CNTN6: variants seen among roughly 807,000 people sequenced by gnomAD.
CNTN6 encodes the protein contactin-6.
A neutral mutation model predicts 122.8 loss-of-function variants in CNTN6; 137 were observed. That is an observed-to-expected ratio of 1.12 (90% CI 0.97 to 1.29). The LOEUF is 1.29. Among genes scored for constraint, CNTN6 ranks in the 50% most tolerant of loss-of-function variants. The pLI, the probability that CNTN6 is intolerant of heterozygous loss-of-function variation, is 0.00. For missense variants in CNTN6, 1,634 were observed against 1,223.4 expected, an observed-to-expected ratio of 1.34 and a Z score of -5.01; for synonymous variants, 570 against 426.0, an observed-to-expected ratio of 1.34 and a Z score of -4.16.
At chr3:1,234,356 T>C (rs1177012798) in intron 4 of CNTN6, among the ~76,000 whole-genome samples, 1 of 152,184 alleles carries the variant, frequency 6.6e-6, no homozygotes, top group Non-Finnish European at 1.5e-5. Flanking sequence ...TTAAAGGTGA[T>C]AAATATTTTT....
chr3:1,244,600 G>A (rs1219818813), intron 4 of CNTN6, among the ~76,000 whole-genome samples: 2 of 152,212 alleles, frequency 1.3e-5, no homozygotes, highest in South Asian at 2.1e-4. Context: ...GATGTCCCCC[G>A]ATCCGAGTCA....
intron 4 of CNTN6, 62 bp from the exon 5 acceptor site, chr3:1,278,351 T>G: frequency 8.6e-7 from 1 of 1,160,210 alleles, no homozygotes; most frequent in Non-Finnish European, 1.2e-6. Context: ...TTGAGATTCT[T>G]CTTTAAAATA....
At chr3:1,312,879 T>G (rs1220422057) in intron 7 of CNTN6, among the ~76,000 whole-genome samples, 1 of 151,922 alleles carries the variant, frequency 6.6e-6, no homozygotes, top group African/African-American at 2.4e-5. Flanking sequence ...TAATCCCAAT[T>G]TGTTCATCTA....
chr3:1,119,353 G>GTGTGTGTGTGT (rs377642286), intron 1 of CNTN6, among the ~76,000 whole-genome samples: 11 of 150,250 alleles, frequency 7.3e-5, no homozygotes, highest in Admixed American at 1.3e-4. Context: ...GTGTGTGTGT[G>GTGTGTGTGTGT]GAGAATGTCT....
intron 2 of CNTN6, among the ~76,000 whole-genome samples, chr3:1,188,790 T>C (rs1291702803): frequency 6.6e-6 from 1 of 152,192 alleles, no homozygotes; most frequent in African/African-American, 2.4e-5. Flanking sequence ...CTATGCTGAG[T>C]AATATGATAT....
chr3:1,264,274 A>T (rs2094892455), intron 4 of CNTN6, among the ~76,000 whole-genome samples: 1 of 152,192 alleles, frequency 6.6e-6, no homozygotes, highest in Non-Finnish European at 1.5e-5. Flanking sequence ...TGATACAAAC[A>T]AACGGTGGCA....
At position 1,147,947 on chromosome 3, in the gene CNTN6, A is replaced by G; in HGVS notation, c.-62A>G. 8.3e-7 allele frequency: 1 copy of G among 1,203,474 alleles called. No individual in the cohort carries two copies. The highest frequency in any genetic ancestry group is 1.2e-6 in the Non-Finnish European group (1 of 811,172). The allele number at this position is 1,203,474 out of a possible 1,614,324, so 74.5% of individuals were successfully genotyped here. A position where few individuals can be genotyped will look rare whatever the true frequency, so the allele number is the denominator to read the frequency against. The stretch of plus-strand genomic sequence containing the variant: ...TTCAGACTCTTGAGATACTGACTGG[A>G]AGATAGACTGTTTTGTTCCACCTGA... On this transcript the variant is annotated 5_prime_UTR_variant, in exon 2 of 23. Transcript: ENST00000446702.
intron 20 of CNTN6, among the ~76,000 whole-genome samples, chr3:1,386,276 C>T (rs7642863): frequency 0.017 from 2,484 of 144,550 alleles, 75 homozygotes; most frequent in African/African-American, 0.058. Context: ...TTTGTTTTGT[C>T]ATTTGAGTCC....
intron 7 of CNTN6, among the ~76,000 whole-genome samples, chr3:1,306,330 A>G (rs909514257): frequency 6.6e-6 from 1 of 152,144 alleles, no homozygotes; most frequent in African/African-American, 2.4e-5. Flanking sequence ...TGCTTGGCAT[A>G]AAATAATCAA....
intron 12 of CNTN6, among the ~76,000 whole-genome samples, chr3:1,361,555 TCTAA>T (rs1389948393): frequency 2.2e-4 from 33 of 152,258 alleles, no homozygotes; most frequent in East Asian, 1.9e-3. Context: ...TATTTCTTTC[TCTAA>T]CTGACAGCAA....
chr3:1,297,061 T>G (rs1696359660), intron 6 of CNTN6, among the ~76,000 whole-genome samples: 1 of 152,120 alleles, frequency 6.6e-6, no homozygotes, highest in Non-Finnish European at 1.5e-5. Flanking sequence ...CCTACCAACT[T>G]AGTTGAATGA....
intron 4 of CNTN6, among the ~76,000 whole-genome samples, chr3:1,252,835 A>G (rs1490732759): frequency 6.6e-6 from 1 of 152,200 alleles, no homozygotes; most frequent in Non-Finnish European, 1.5e-5. Context: ...GAGAAGATGC[A>G]TCTCCGAGAA....
At chr3:1,122,618 C>A (rs906242464) in intron 1 of CNTN6, among the ~76,000 whole-genome samples, 1 of 151,740 alleles carries the variant, frequency 6.6e-6, no homozygotes, top group African/African-American at 2.4e-5. Context: ...CTTTCACTTT[C>A]CAGGCCGCAA....
intron 4 of CNTN6, among the ~76,000 whole-genome samples, chr3:1,242,013 A>G (rs1322846333): frequency 2.0e-5 from 3 of 152,134 alleles, no homozygotes; most frequent in Admixed American, 6.5e-5. Flanking sequence ...CTAGGAAGGA[A>G]AGGAGTTGTT....
intron 18 of CNTN6, 28 bp from the exon 19 acceptor site, chr3:1,383,265 G>T: frequency 6.2e-7 from 1 of 1,600,962 alleles, no homozygotes; most frequent in South Asian, 1.1e-5. Context: ...CTCTGCTAAA[G>T]ATGGTTATGT....
intron 12 of CNTN6, among the ~76,000 whole-genome samples, chr3:1,357,387 T>A (rs773450029): frequency 3.3e-5 from 5 of 151,918 alleles, no homozygotes; most frequent in Admixed American, 6.6e-5. Context: ...TTATTCATCT[T>A]GTTTTCTTTA....
chr3:1,258,668 T>TC (rs2094797669), intron 4 of CNTN6, among the ~76,000 whole-genome samples: 1 of 152,108 alleles, frequency 6.6e-6, no homozygotes, highest in African/African-American at 2.4e-5. Flanking sequence ...TTCAACTTTT[T>TC]CTCCTCGTGT....
intron 4 of CNTN6, among the ~76,000 whole-genome samples, chr3:1,237,788 T>C (rs2094439429): frequency 6.6e-6 from 1 of 152,254 alleles, no homozygotes; most frequent in Admixed American, 6.5e-5. Flanking sequence ...GAATTTTGTA[T>C]CCAGTTAAAG....
At chr3:1,294,133 A>G (rs1262525869) in intron 5 of CNTN6, among the ~76,000 whole-genome samples, 1 of 152,218 alleles carries the variant, frequency 6.6e-6, no homozygotes, top group African/African-American at 2.4e-5. Context: ...ATGTATACAG[A>G]CAGTCTTAGA....
Sources: gnomAD v4.1 joint callset for allele counts (sites outside exome capture counted in the v4.1 genomes callset) on GRCh38, gnomAD v4.1.1 for gene constraint, MANE v1.5 for transcripts, NCBI Gene and HGNC (gene_info 2026-07-23, HGNC 2026-07-21) for gene names.